Variants in PRKAR1B observed in about 807,000 individuals in gnomAD.
The protein encoded by PRKAR1B is protein kinase cAMP-dependent type I regulatory subunit beta.
Under a neutral mutation model 46.5 loss-of-function variants are expected in PRKAR1B, and 22 were observed. The observed-to-expected ratio is 0.47, with a 90% CI of 0.34 to 0.68. PRKAR1B has a LOEUF of 0.68. Ranked by LOEUF, PRKAR1B falls within the 30% of genes least tolerant of loss-of-function variation. The pLI is 0.01. For missense variants in PRKAR1B, 445 were observed against 535.6 expected, an observed-to-expected ratio of 0.83 and a Z score of 1.67; for synonymous variants, 259 against 217.7, an observed-to-expected ratio of 1.19 and a Z score of -1.67.
chr7:659,318 G>A lies in PRKAR1B; in HGVS notation c.440+17911C>T, dbSNP rs565817341. Among the ~76,000 whole-genome samples, 13 of 152,292 alleles carry A rather than the reference G, an allele frequency of 8.5e-5. No individual in the cohort carries two copies. The South Asian group carries it at 1.2e-3, about 15-fold the overall frequency. On this transcript the variant is annotated intron_variant, in intron 4 of 10. Transcript: ENST00000537384. ...ATGCAGTATCTTCAACCCCTCGGGCGGGGTCTGGCCTGAAGGAGATGCTCA... is the reference window on the plus strand; with the variant it reads ...ATGCAGTATCTTCAACCCCTCGGGCAGGGTCTGGCCTGAAGGAGATGCTCA...
intron 7 of PRKAR1B, among the ~76,000 whole-genome samples, chr7:585,379 G>A (rs112732343): frequency 5.9e-5 from 9 of 152,220 alleles, no homozygotes; most frequent in East Asian, 3.9e-4. Flanking sequence ...CAGAGCAGCC[G>A]CACGGTGGGT....
At chr7:669,632 C>G (rs750428827) in intron 4 of PRKAR1B, among the ~76,000 whole-genome samples, 2 of 151,538 alleles carry the variant, frequency 1.3e-5, no homozygotes, top group Admixed American at 6.6e-5. Flanking sequence ...GGTGTGGTGG[C>G]GCACACCTGT....
chr7:561,125 GCACACAAACA>G (rs1203611434), intron 9 of PRKAR1B, among the ~76,000 whole-genome samples: 1 of 147,516 alleles, frequency 6.8e-6, no homozygotes, highest in Non-Finnish European at 1.5e-5. Context: ...CCACACACAG[GCACACAAACA>G]CACACACACA....
At chr7:677,344 C>T (rs780004189) in intron 3 of PRKAR1B, 24 bp from the exon 4 acceptor site, 29 of 1,607,878 alleles carry the variant, frequency 1.8e-5, no homozygotes, top group Admixed American at 8.3e-5. Flanking sequence ...AACACATCAC[C>T]GTGTGAGCCA....
chr7:651,459 A>G (rs1784897994), intron 4 of PRKAR1B, among the ~76,000 whole-genome samples: 1 of 152,232 alleles, frequency 6.6e-6, no homozygotes, highest in African/African-American at 2.4e-5. Context: ...TTTATCACAC[A>G]GACTTCACGT....
intron 9 of PRKAR1B, among the ~76,000 whole-genome samples, chr7:570,025 G>C (rs1213345670): frequency 6.6e-6 from 1 of 152,242 alleles, no homozygotes; most frequent in Non-Finnish European, 1.5e-5. Context: ...TCCTGCTAGA[G>C]GCCAGGCCAA....
At chr7:658,443 A>G (rs1257115668) in intron 4 of PRKAR1B, among the ~76,000 whole-genome samples, 2 of 152,146 alleles carry the variant, frequency 1.3e-5, no homozygotes, top group East Asian at 1.9e-4. Flanking sequence ...TCAGAAAAAA[A>G]CAAAGTTAGC....
chr7:634,418 C>G (rs1045262273), intron 4 of PRKAR1B, among the ~76,000 whole-genome samples: 9 of 152,004 alleles, frequency 5.9e-5, no homozygotes, highest in African/African-American at 2.2e-4. Flanking sequence ...GTTGGGGATG[C>G]AGTGAGCTGT....
intron 4 of PRKAR1B, among the ~76,000 whole-genome samples, chr7:669,730 C>T (rs1025315021): frequency 6.6e-6 from 1 of 151,456 alleles, no homozygotes; most frequent in Admixed American, 6.6e-5. Flanking sequence ...CGCCACTGCA[C>T]TCCAGCCTGG....
intron 4 of PRKAR1B, among the ~76,000 whole-genome samples, chr7:634,864 T>C (rs1368116593): frequency 6.6e-6 from 1 of 151,938 alleles, no homozygotes; most frequent in Non-Finnish European, 1.5e-5. Context: ...GGTTTCGAAC[T>C]CCTGACCTCA....
At chr7:584,380 C>T (rs1583248567) in intron 8 of PRKAR1B, 128 bp downstream of exon 8, 3 of 743,848 alleles carry the variant, frequency 4.0e-6, no homozygotes, top group East Asian at 5.3e-5. Context: ...CTGTGTGTTG[C>T]ACCCCAAACC....
chr7:678,066 T>C (rs1413612382), intron 3 of PRKAR1B, among the ~76,000 whole-genome samples: 2 of 151,942 alleles, frequency 1.3e-5, no homozygotes, highest in Admixed American at 1.3e-4. Context: ...AGGTCAAGAG[T>C]TCGAGACCAG....
chr7:710,154 G>A (rs1354720946), intron 2 of PRKAR1B, among the ~76,000 whole-genome samples: 1 of 152,162 alleles, frequency 6.6e-6, no homozygotes. Flanking sequence ...GGCCCCTGTC[G>A]AAAGCATAAA....
intron 1 of PRKAR1B, among the ~76,000 whole-genome samples, chr7:717,190 G>A (rs929059734): frequency 2.0e-5 from 3 of 151,844 alleles, no homozygotes; most frequent in Admixed American, 6.6e-5. Flanking sequence ...TTGGGAGGCT[G>A]AGGCAGGAAG....
intron 2 of PRKAR1B, among the ~76,000 whole-genome samples, chr7:690,119 A>AAACCCC (rs1779329614): frequency 6.6e-6 from 1 of 151,876 alleles, no homozygotes; most frequent in Admixed American, 6.5e-5. Flanking sequence ...CAACATGGTG[A>AAACCCC]AACCCCGTCT....
intron 2 of PRKAR1B, among the ~76,000 whole-genome samples, chr7:699,916 C>A (rs979343525): frequency 3.3e-5 from 5 of 152,134 alleles, no homozygotes. Context: ...GAAAATGGAG[C>A]TCGAGGCCCG....
intron 2 of PRKAR1B, among the ~76,000 whole-genome samples, chr7:698,374 C>G (rs1223692473): frequency 6.6e-6 from 1 of 152,128 alleles, no homozygotes; most frequent in Non-Finnish European, 1.5e-5. Flanking sequence ...GCCCTGCTCA[C>G]CCTCAGAAGC....
intron 2 of PRKAR1B, among the ~76,000 whole-genome samples, chr7:689,162 C>T (rs1247248355): frequency 6.6e-6 from 1 of 152,078 alleles, no homozygotes; most frequent in Admixed American, 6.5e-5. Context: ...GTCACCCAGG[C>T]TGGAGTGCAG....
chr7:550,907 G>A (rs1465118955), intron 10 of PRKAR1B, among the ~76,000 whole-genome samples: 1 of 151,852 alleles, frequency 6.6e-6, no homozygotes, highest in Admixed American at 6.6e-5. Context: ...ACCCCCAGCT[G>A]CAGGAATGCC....
Sources: gnomAD v4.1 joint callset for allele counts (sites outside exome capture counted in the v4.1 genomes callset) on GRCh38, gnomAD v4.1.1 for gene constraint, MANE v1.5 for transcripts, NCBI Gene and HGNC (gene_info 2026-07-23, HGNC 2026-07-21) for gene names.